ABCD4: variants seen among roughly 807,000 people sequenced by gnomAD.
ABCD4 encodes ATP binding cassette subfamily D member 4, also known as lysosomal cobalamin transporter ABCD4.
A neutral mutation model predicts 86.3 loss-of-function variants in ABCD4; 53 were observed. The ratio of observed to expected loss-of-function variants is 0.61; its 90% CI spans 0.49 to 0.77. ABCD4 has a LOEUF of 0.77. ABCD4 is among the 30% of genes least tolerant of loss of function. The probability of loss-of-function intolerance (pLI) is 0.00; values close to 1 mark genes in which losing one functional copy is unlikely to be tolerated. For missense variants in ABCD4, 757 were observed against 764.5 expected, an observed-to-expected ratio of 0.99 and a Z score of 0.12; for synonymous variants, 328 against 313.6, an observed-to-expected ratio of 1.05 and a Z score of -0.49.
In ABCD4 at chr14:74,299,661, A is replaced by G; in HGVS notation, c.172T>C (p.Tyr58His). The part of the protein sequence containing the change: ...CLTLLEQFVI[Y>H]QVGLIPSQYY... ...TGACTGGGGATCAAGCCAACCTGGT[A>G]GATCACAAATTGCTCTGAAAGGAGG... The change falls in exon 3 of 19, where the codon TAC becomes CAC. Residue 58 changes from tyrosine (Y) to histidine (H), a missense_variant. Coordinates refer to ENST00000356924, the MANE Select transcript of ABCD4 (RefSeq NM_005050.4). 6.2e-7 allele frequency: 1 copy of G among 1,613,060 alleles called. No homozygotes were observed. The highest frequency in any genetic ancestry group is 1.6e-4 in the Middle Eastern group (1 of 6,062).
chr14:74,292,680 C>T (rs778437651), intron 9 of ABCD4, 38 bp from the exon 10 acceptor site: 21 of 1,613,742 alleles, frequency 1.3e-5, no homozygotes, highest in Middle Eastern at 1.6e-4. Flanking sequence ...GGTCTCGACT[C>T]GAGCCCACAG....
intron 17 of ABCD4, among the ~76,000 whole-genome samples, chr14:74,287,549 C>G (rs1165831960): frequency 1.4e-4 from 3 of 21,886 alleles, no homozygotes; most frequent in Non-Finnish European, 2.1e-4. Flanking sequence ...GTGAGACTGT[C>G]TCAAAAAAAA....
chr14:74,296,252 G>C, intron 5 of ABCD4, 81 bp downstream of exon 5: 1 of 1,407,282 alleles, frequency 7.1e-7, no homozygotes, highest in East Asian at 2.3e-5. Context: ...GGGGAAATAA[G>C]CTTCTCTTGG....
At position 74,299,551 on chromosome 14, in the gene ABCD4, G is replaced by C. The variant is rs779959688; in HGVS notation, c.282C>G (p.Ser94=). 3.1e-6 allele frequency: 5 copies of C among 1,613,496 alleles called. No homozygotes were observed. The highest frequency in any genetic ancestry group is 3.4e-6 in the Non-Finnish European group (4 of 1,179,620). Residue 94 remains serine (S), a synonymous_variant, in exon 3 of 19, where the codon TCC becomes TCG. Transcript: ENST00000356924. ...FLAVMLIVLN[S]TLKSFDQFTC... is the part of the protein sequence containing the mutation. ...CAGAGAGAGGGAAAGATCTTACCGT[G>C]GAGTTCAGAACAATGAGCATGACAG...
chr14:74,292,442 T>A lies in ABCD4; in HGVS notation c.1029-66A>T. Reference sequence around the variant, plus strand: ...AGGTGAAGGTGAACTCCTTTTCCTATCTCACACCCACGAGTACATGGTATG... The same window carrying A: ...AGGTGAAGGTGAACTCCTTTTCCTAACTCACACCCACGAGTACATGGTATG... On this transcript the variant is annotated intron_variant, in intron 10 of 18. Transcript: ENST00000356924. 4 of 1,593,732 alleles carry A rather than the reference T, an allele frequency of 2.5e-6. No homozygotes were observed. The South Asian group carries it at 3.3e-5, about 13-fold the overall frequency.
intron 1 of ABCD4, 79 bp from the exon 2 acceptor site, chr14:74,300,347 A>C: frequency 1.1e-6 from 1 of 937,440 alleles, no homozygotes; most frequent in Non-Finnish European, 1.7e-6. Context: ...GCTCATCCAC[A>C]TTGTTCTGTA....
chr14:74,295,174 C>T lies in ABCD4; in HGVS notation c.693G>A (p.Val231=). ...DFRFKHMQIR[V]NAEPAAFYRA... ...TGTAGAAAGCAGCAGGCTCCGCATTCACCCGAATCTGCATGTGCTTGAACC... is the reference window on the plus strand; with the variant it reads ...TGTAGAAAGCAGCAGGCTCCGCATTTACCCGAATCTGCATGTGCTTGAACC... The change falls in exon 7 of 19, where the codon GTG becomes GTA. Residue 231 remains valine (V), a synonymous_variant. Coordinates refer to ENST00000356924, the MANE Select transcript of ABCD4 (RefSeq NM_005050.4). 1 of 1,614,224 alleles carries T rather than the reference C, an allele frequency of 6.2e-7. No homozygotes were observed. The highest frequency in any genetic ancestry group is 8.5e-7 in the Non-Finnish European group (1 of 1,180,048).
intron 14 of ABCD4, 183 bp from the exon 15 acceptor site, chr14:74,288,948 C>A: frequency 1.1e-6 from 1 of 926,110 alleles, no homozygotes; most frequent in East Asian, 2.9e-5. Context: ...GCTGTCTCTA[C>A]TAAATATACA....
At chr14:74,289,445 C>T (rs755950091) in intron 14 of ABCD4, 38 bp downstream of exon 14, 3 of 1,612,828 alleles carry the variant, frequency 1.9e-6, no homozygotes, top group East Asian at 2.2e-5. Context: ...ACAACCATGA[C>T]AGAAGGAGAG....
intron 7 of ABCD4, chr14:74,294,523 G>C (rs966165616): frequency 6.5e-6 from 1 of 152,736 alleles, no homozygotes; most frequent in African/African-American, 2.4e-5. Context: ...ACAGAGCCAA[G>C]GAGTAGCTTC....
intron 2 of ABCD4, chr14:74,299,929 G>C (rs548992759): frequency 2.0e-5 from 12 of 587,976 alleles, no homozygotes; most frequent in South Asian, 8.3e-5. Flanking sequence ...CGGGCGTGGT[G>C]GTGGGTGCTT....
chr14:74,294,993 G>A lies in ABCD4; in HGVS notation c.719+155C>T, dbSNP rs7144142. 15,152 of 853,504 alleles carry A rather than the reference G, an allele frequency of 0.018. 1,573 individuals are homozygous for A. The African/African-American group carries it at 0.23, about 13-fold the overall frequency. 52.9% of individuals were successfully genotyped at this position (853,504 alleles called of 1,614,324 possible). A position where few individuals can be genotyped will look rare whatever the true frequency, so the allele number is the denominator to read the frequency against. Reference sequence around the variant, plus strand: ...ACCCCTGGACCTAAGGATGAGGCAGGCAAGGGCAGGGGGAGGTAGAGGGAG... The same window carrying A: ...ACCCCTGGACCTAAGGATGAGGCAGACAAGGGCAGGGGGAGGTAGAGGGAG... On this transcript the variant is annotated intron_variant, in intron 7 of 18. Transcript: ENST00000356924.
chr14:74,290,324 G>A lies in ABCD4; in HGVS notation c.1294C>T (p.Arg432Trp), dbSNP rs201691861. 4.1e-5 allele frequency: 66 copies of A among 1,614,010 alleles called. No individual in the cohort carries two copies. Among genetic ancestry groups the A allele is most frequent in the Non-Finnish European group, 5.2e-5 (61 of 1,179,990 alleles). ...CTCGTCCAGAGGCCACCCAGAACCCGGAGCAAGGAGGTCTTGCCAGTGCCC... is the reference window on the plus strand; with the variant it reads ...CTCGTCCAGAGGCCACCCAGAACCCAGAGCAAGGAGGTCTTGCCAGTGCCC... ...NTGTGKTSLL[R>W]VLGGLWTSTR... The change falls in exon 12 of 19, where the codon CGG becomes TGG. Residue 432 changes from arginine to tryptophan, a missense_variant. Arg to Trp is a moderately radical substitution (Grantham distance 101). Coordinates refer to ENST00000356924, the MANE Select transcript of ABCD4 (RefSeq NM_005050.4).
intron 15 of ABCD4, 155 bp downstream of exon 15, chr14:74,288,561 G>T: frequency 1.2e-6 from 1 of 855,106 alleles, no homozygotes; most frequent in Non-Finnish European, 1.8e-6. Flanking sequence ...GCCTAAACCT[G>T]GCCAACAGCA....
At chr14:74,301,591 T>C (rs1251854678) in intron 1 of ABCD4, among the ~76,000 whole-genome samples, 1 of 152,178 alleles carries the variant, frequency 6.6e-6, no homozygotes. Context: ...CATGAAAATG[T>C]AGGCCGGGAG....
rs759014130 is a variant in ABCD4, at chr14:74,296,374, G to A, written c.501C>T (p.Ser167=). The A allele has an allele frequency of 1.9e-6, 3 of 1,614,214 alleles. No individual in the cohort carries two copies. Among genetic ancestry groups the A allele is most frequent in the Non-Finnish European group, 1.7e-6 (2 of 1,180,044 alleles). Residue 167 remains serine, a synonymous_variant, in exon 5 of 19, where the codon TCC becomes TCT. Coordinates refer to ENST00000356924, the MANE Select transcript of ABCD4 (RefSeq NM_005050.4). Reference sequence around the variant, plus strand: ...AAGTGTAGTAGACGAGGGTGAACGGGGAGATGATGAGCTTGCTGGCCATGC... The same window carrying A: ...AAGTGTAGTAGACGAGGGTGAACGGAGAGATGATGAGCTTGCTGGCCATGC... ...LSSMASKLII[S]PFTLVYYTYQ... is the part of the protein sequence containing the mutation.
Position 74,296,347 on chromosome 14 carries a change from G to A in ABCD4, c.528C>T (p.Tyr176=), listed in dbSNP as rs373119845. 173 of 1,614,032 alleles carry A rather than the reference G, an allele frequency of 1.1e-4. No homozygotes were observed. The highest frequency in any genetic ancestry group is 1.4e-4 in the Non-Finnish European group (169 of 1,180,008). ...ISPFTLVYYT[Y]QCFQSTGWLG... is the part of the protein sequence containing the mutation. ...GGAGGCTTCACCTTTGGAAGCACTGGTAAGTGTAGTAGACGAGGGTGAACG... is the reference window on the plus strand; with the variant it reads ...GGAGGCTTCACCTTTGGAAGCACTGATAAGTGTAGTAGACGAGGGTGAACG... The change falls in exon 5 of 19, where the codon TAC becomes TAT. Residue 176 remains tyrosine, a synonymous_variant. Coordinates refer to ENST00000356924, the MANE Select transcript of ABCD4 (RefSeq NM_005050.4).
Position 74,288,727 on chromosome 14 carries a change from A to G in ABCD4, c.1495T>C (p.Leu499=), listed in dbSNP as rs561519173. The change falls in exon 15 of 19, where the codon TTG becomes CTG. Residue 499 remains leucine (L), a synonymous_variant. Coordinates refer to ENST00000356924, the MANE Select transcript of ABCD4 (RefSeq NM_005050.4). ...DDERILRFLE[L]AGLSNLVART... is the part of the protein sequence containing the mutation. ...CTCTCCCCACTTACCAGGCCTGCCA[A>G]TTCCAAGAACCTCAAGATCCTCTCA... 59 of 1,613,732 alleles carry G rather than the reference A, an allele frequency of 3.7e-5. No homozygotes were observed. The highest frequency in any genetic ancestry group is 1.8e-4 in the Admixed American group (11 of 59,966).
Position 74,286,421 on chromosome 14 carries a change from G to T in ABCD4, c.*40C>A. 2 of 1,610,132 alleles carry T rather than the reference G, an allele frequency of 1.2e-6. No homozygotes were observed. Among genetic ancestry groups the T allele is most frequent in the South Asian group, 2.2e-5 (2 of 90,960 alleles). Reference sequence around the variant, plus strand: ...CTCCTGGTCTCTCCTGAGGGCCGCCGACCCGCCACAGTGTGGCTCTCCTTC... The same window carrying T: ...CTCCTGGTCTCTCCTGAGGGCCGCCTACCCGCCACAGTGTGGCTCTCCTTC... On this transcript the variant is annotated 3_prime_UTR_variant, in exon 19 of 19. Transcript: ENST00000356924.
Sources: allele counts gnomAD v4.1 joint callset (sites outside exome capture counted in the v4.1 genomes callset), GRCh38; gene constraint gnomAD v4.1.1; transcripts MANE v1.5; gene names NCBI Gene and HGNC (gene_info 2026-07-23, HGNC 2026-07-21).